Variants in ABHD15 observed in about 807,000 individuals in gnomAD.
The protein encoded by ABHD15 is abhydrolase domain containing 15.
A neutral mutation model predicts 34.4 loss-of-function variants in ABHD15; 34 were observed. The observed-to-expected ratio is 0.99, with a 90% CI of 0.75 to 1.32. ABHD15 has a LOEUF of 1.32. Ranked by LOEUF, ABHD15 falls within the 40% of genes most tolerant of loss-of-function variation. The pLI is 0.00. For missense variants in ABHD15, 644 were observed against 650.4 expected, an observed-to-expected ratio of 0.99 and a Z score of 0.11; for synonymous variants, 314 against 299.2, an observed-to-expected ratio of 1.05 and a Z score of -0.51.
intron 1 of ABHD15, among the ~76,000 whole-genome samples, chr17:29,564,693 A>C (rs2032675746): frequency 6.6e-6 from 1 of 152,180 alleles, no homozygotes; most frequent in African/African-American, 2.4e-5. Context: ...ATCTTTATGA[A>C]AAATACAAAA....
At chr17:29,565,772 A>T (rs2032696638) in intron 1 of ABHD15, among the ~76,000 whole-genome samples, 1 of 152,242 alleles carries the variant, frequency 6.6e-6, no homozygotes, top group Non-Finnish European at 1.5e-5. Flanking sequence ...GGTAAATGTC[A>T]GGTATCTCTG....
At position 29,566,423 on chromosome 17, in the gene ABHD15, G is replaced by A. The variant is rs751758531; in HGVS notation, c.544C>T (p.Leu182=). The A allele has an allele frequency of 1.2e-6, 2 of 1,612,216 alleles. No individual in the cohort carries two copies. The highest frequency in any genetic ancestry group is 2.2e-5 in the South Asian group (2 of 91,034). Residue 182 remains leucine, a synonymous_variant, in exon 1 of 2, where the codon CTG becomes TTG. Transcript: ENST00000307201. The stretch of plus-strand genomic sequence containing the variant: ...ATGACCGGGTAGTAGCCGCGCTCCA[G>A]GGCGAGCAAGCAAAGGCCGAGCACG... The part of the protein sequence containing the change: ...RNVLGLCLLA[L]ERGYYPVIFH...
chr17:29,562,750 C>A lies in ABHD15; in HGVS notation c.1218G>T (p.Glu406Asp), dbSNP rs762515545. 108 of 1,614,028 alleles carry A rather than the reference C, an allele frequency of 6.7e-5. No individual in the cohort carries two copies. The highest frequency in any genetic ancestry group is 8.6e-5 in the Non-Finnish European group (102 of 1,180,014). Reference protein sequence around the residue: ...RQEPLPAWSHEVILESFRALT... With the variant: ...RQEPLPAWSHDVILESFRALT... The stretch of plus-strand genomic sequence containing the variant: ...AGGCCCGGAAGGACTCCAAGATGAC[C>A]TCATGGCTCCAGGCTGGCAAGGGCT... The change falls in exon 2 of 2, where the codon GAG becomes GAT. Residue 406 changes from glutamate to aspartate, a missense_variant. By Grantham distance (45) the Glu-to-Asp change is conservative. Transcript: ENST00000307201.
chr17:29,562,637 G>C lies in ABHD15; in HGVS notation c.1331C>G (p.Ala444Gly), dbSNP rs200330374. ...SFLGGRRRGG[A>G]LQRREVSSSS... ...GGAAGAGACTTCCCGCCTCTGCAAGGCTCCCCCACGACGACGGCCCCCAAG... is the reference window on the plus strand; with the variant it reads ...GGAAGAGACTTCCCGCCTCTGCAAGCCTCCCCCACGACGACGGCCCCCAAG... The change falls in exon 2 of 2, where the codon GCC becomes GGC. Residue 444 changes from alanine (A) to glycine (G), a missense_variant. Physicochemically the swap from Ala to Gly is moderately conservative, Grantham distance 60. Transcript: ENST00000307201. 4.3e-6 allele frequency: 7 copies of C among 1,613,914 alleles called. No individual in the cohort carries two copies. The highest frequency in any genetic ancestry group is 1.6e-4 in the Middle Eastern group (1 of 6,084).
chr17:29,561,752 A>G lies in ABHD15; in HGVS notation c.*809T>C, dbSNP rs539870964. On this transcript the variant is annotated 3_prime_UTR_variant, in exon 2 of 2. Coordinates refer to ENST00000307201, the MANE Select transcript of ABHD15 (RefSeq NM_198147.3). ...TGCAGCTCTCTGGAGTAATCCCCTG[A>G]AATGGTGCCAGAGGGAGCATGTAGG... 1 of 152,726 alleles carries G rather than the reference A, an allele frequency of 6.5e-6. No homozygotes were observed. The highest frequency in any genetic ancestry group is 2.4e-5 in the African/African-American group (1 of 41,590). 9.5% of individuals were successfully genotyped at this position (152,726 alleles called of 1,614,324 possible).
chr17:29,562,835 T>C lies in ABHD15; in HGVS notation c.1133A>G (p.Asn378Ser). Residue 378 changes from asparagine (N) to serine (S), a missense_variant, in exon 2 of 2, where the codon AAC becomes AGC. Physicochemically the swap from Asn to Ser is conservative, Grantham distance 46. Transcript: ENST00000307201. ...ACTGAGCAGGAGGAAGAAGTAGGGG[T>C]TGCTGTGGAAGAGTTCAGTTGTCAG... ...HTLTTELFHSNPYFFLLLSRH... is the reference protein window; with the variant it reads ...HTLTTELFHSSPYFFLLLSRH... 6.2e-7 allele frequency: 1 copy of C among 1,613,466 alleles called. No individual in the cohort carries two copies. The highest frequency in any genetic ancestry group is 8.5e-7 in the Non-Finnish European group (1 of 1,179,600).
Position 29,562,540 on chromosome 17 carries a change from G to A in ABHD15, c.*21C>T. 1 of 1,600,278 alleles carries A rather than the reference G, an allele frequency of 6.2e-7. No homozygotes were observed. Among genetic ancestry groups the A allele is most frequent in the Non-Finnish European group, 8.5e-7 (1 of 1,171,860 alleles). On this transcript the variant is annotated 3_prime_UTR_variant, in exon 2 of 2. Transcript: ENST00000307201. ...GCTCTGTTTTTCTTTGCAGGACTTGGGGGTTCTCAGGCCAGGTCTTTCACC... is the reference window on the plus strand; with the variant it reads ...GCTCTGTTTTTCTTTGCAGGACTTGAGGGTTCTCAGGCCAGGTCTTTCACC...
At chr17:29,563,188 T>C in intron 1 of ABHD15, 102 bp from the exon 2 acceptor site, 1 of 1,336,628 alleles carries the variant, frequency 7.5e-7, no homozygotes, top group East Asian at 2.3e-5. Flanking sequence ...AGGCCAGATC[T>C]GTCCACAGAG....
intron 1 of ABHD15, 43 bp downstream of exon 1, chr17:29,566,043 C>T: frequency 6.6e-7 from 1 of 1,507,850 alleles, no homozygotes; most frequent in Non-Finnish European, 8.8e-7. Context: ...CCAGCTCAGG[C>T]CCTCTATTCT....
chr17:29,565,185 G>A (rs1257831063), intron 1 of ABHD15, among the ~76,000 whole-genome samples: 2 of 152,098 alleles, frequency 1.3e-5, no homozygotes, highest in East Asian at 3.8e-4. Context: ...CTTGCACCCA[G>A]GAGGTGGAGG....
At position 29,561,522 on chromosome 17, in the gene ABHD15, A is replaced by G. The variant is rs2032627528; in HGVS notation, c.*1039T>C. On this transcript the variant is annotated 3_prime_UTR_variant, in exon 2 of 2. Coordinates refer to ENST00000307201, the MANE Select transcript of ABHD15 (RefSeq NM_198147.3). ...CAGACGAAGCATTGGAATATGAAAT[A>G]TTTGTAAATCACTGGTCAGCTCTAG... 6.6e-6 allele frequency: 1 copy of G among 152,202 alleles called. No homozygotes were observed. The highest frequency in any genetic ancestry group is 2.4e-5 in the African/African-American group (1 of 41,436). 9.4% of individuals were successfully genotyped at this position (152,202 alleles called of 1,614,324 possible).
intron 1 of ABHD15, among the ~76,000 whole-genome samples, chr17:29,564,882 C>G (rs1258594485): frequency 6.6e-6 from 1 of 152,100 alleles, no homozygotes; most frequent in Non-Finnish European, 1.5e-5. Flanking sequence ...CACCTGAGCC[C>G]AGGAACTCAA....
intron 1 of ABHD15, among the ~76,000 whole-genome samples, chr17:29,563,878 A>T (rs1283261999): frequency 2.0e-5 from 3 of 152,178 alleles, no homozygotes; most frequent in Non-Finnish European, 4.4e-5. Context: ...ATAAATAAAT[A>T]AATAAAATAA....
chr17:29,566,420 C>T lies in ABHD15; in HGVS notation c.547G>A (p.Glu183Lys), dbSNP rs777887363. The T allele has an allele frequency of 1.2e-5, 19 of 1,612,042 alleles. No homozygotes were observed. In the African/African-American group the frequency reaches 2.5e-4, roughly 22 times the overall value. The change falls in exon 1 of 2, where the codon GAG becomes AAG. Residue 183 changes from glutamate (E) to lysine (K), a missense_variant. Transcript: ENST00000307201. Reference protein sequence around the residue: ...NVLGLCLLALERGYYPVIFHR... With the variant: ...NVLGLCLLALKRGYYPVIFHR... ...AAGATGACCGGGTAGTAGCCGCGCTCCAGGGCGAGCAAGCAAAGGCCGAGC... is the reference window on the plus strand; with the variant it reads ...AAGATGACCGGGTAGTAGCCGCGCTTCAGGGCGAGCAAGCAAAGGCCGAGC...
rs1451446154 is a variant in ABHD15 at position 29,566,077 on chromosome 17, G to A, written c.881+9C>T. 2.0e-6 allele frequency: 3 copies of A among 1,522,770 alleles called. No individual in the cohort carries two copies. The highest frequency in any genetic ancestry group is 2.3e-5 in the East Asian group (1 of 43,764). The allele number at this position is 1,522,770 out of a possible 1,614,324, so 94.3% of individuals were successfully genotyped here. Reference sequence around the variant, plus strand: ...CTTTCCATGCTGGTCTGCGGCCTCCGTTACCCACCTGCTGAGGGCGATCTT... The same window carrying A: ...CTTTCCATGCTGGTCTGCGGCCTCCATTACCCACCTGCTGAGGGCGATCTT... On this transcript the variant is annotated intron_variant, in intron 1 of 1. Transcript: ENST00000307201.
At chr17:29,563,231 T>C (rs2032656502) in intron 1 of ABHD15, 145 bp from the exon 2 acceptor site, 1 of 889,840 alleles carries the variant, frequency 1.1e-6, no homozygotes, top group South Asian at 1.8e-5. Flanking sequence ...TTCGAAAACG[T>C]TTAATTTCAT....
chr17:29,567,016 C>A lies in ABHD15; in HGVS notation c.-50G>T. Reference sequence around the variant, plus strand: ...GCAGCGGGCGGCGGGGCCGTCTACTCGGCGAGCTCCGCGCTTTGCCCGCGG... The same window carrying A: ...GCAGCGGGCGGCGGGGCCGTCTACTAGGCGAGCTCCGCGCTTTGCCCGCGG... On this transcript the variant is annotated 5_prime_UTR_variant, in exon 1 of 2. Coordinates refer to ENST00000307201, the MANE Select transcript of ABHD15 (RefSeq NM_198147.3). This position sits in a 1 kb window ranked among gnomAD's most constrained non-coding sequence, Gnocchi z 6.6. 1 of 1,247,064 alleles carries A rather than the reference C, an allele frequency of 8.0e-7. No homozygotes were observed. The allele number at this position is 1,247,064 out of a possible 1,614,324, so 77.2% of individuals were successfully genotyped here.
In ABHD15 at chr17:29,566,864, C is replaced by G. The variant is rs1399221434; in HGVS notation, c.103G>C (p.Glu35Gln). 2 of 1,506,264 alleles carry G rather than the reference C, an allele frequency of 1.3e-6. No homozygotes were observed. Among genetic ancestry groups the G allele is most frequent in the Non-Finnish European group, 8.8e-7 (1 of 1,136,018 alleles). The allele number at this position is 1,506,264 out of a possible 1,614,324, so 93.3% of individuals were successfully genotyped here. A position where few individuals can be genotyped will look rare whatever the true frequency, so the allele number is the denominator to read the frequency against. Residue 35 changes from glutamate (E) to glutamine (Q), a missense_variant, in exon 1 of 2, where the codon GAG becomes CAG. Coordinates refer to ENST00000307201, the MANE Select transcript of ABHD15 (RefSeq NM_198147.3). ...LRGPWGRAVG[E>Q]RTLPGAQDRD... is the part of the protein sequence containing the mutation. ...TCTTGGGCCCCCGGCAGGGTCCTCTCTCCGACGGCGCGCCCCCAGGGTCCC... is the reference window on the plus strand; with the variant it reads ...TCTTGGGCCCCCGGCAGGGTCCTCTGTCCGACGGCGCGCCCCCAGGGTCCC...
At position 29,566,553 on chromosome 17, in the gene ABHD15, G is replaced by A; in HGVS notation, c.414C>T (p.Asp138=). 1 of 1,609,780 alleles carries A rather than the reference G, an allele frequency of 6.2e-7. No homozygotes were observed. The change falls in exon 1 of 2, where the codon GAC becomes GAT. Residue 138 remains aspartate (D), a synonymous_variant. Coordinates refer to ENST00000307201, the MANE Select transcript of ABHD15 (RefSeq NM_198147.3). ...CCCGAACACAAGGTCCTACCACCCA[G>A]TCCAGGGCCACTAGCCCATCGTCCG... ...QLADDGLVAL[D]WVVGPCVRGR...
Sources: allele counts gnomAD v4.1 joint callset (sites outside exome capture counted in the v4.1 genomes callset), GRCh38; gene constraint gnomAD v4.1.1; non-coding constraint Gnocchi (gnomAD v3.1); transcripts MANE v1.5; gene names NCBI Gene and HGNC (gene_info 2026-07-23, HGNC 2026-07-21).